The following MEF2A variants were observed in gnomAD, a reference collection of about 807,000 sequenced individuals.
The protein encoded by MEF2A is myocyte enhancer factor 2A.
In MEF2A, 28 loss-of-function variants were observed where a neutral mutation model predicts 55.8. The ratio of observed to expected loss-of-function variants is 0.50; its 90% CI spans 0.37 to 0.69. The LOEUF (loss-of-function observed/expected upper bound fraction) is 0.69. MEF2A is among the 30% of genes least tolerant of loss of function. MEF2A has a pLI of 0.00. For synonymous variants in MEF2A, 239 were observed against 227.1 expected (o/e 1.05, Z -0.47); for missense variants, 528 against 626.2 (o/e 0.84, Z 1.67).
chr15:99,617,409 G>T (rs200862514), intron 2 of MEF2A, among the ~76,000 whole-genome samples: 9 of 151,978 alleles, frequency 5.9e-5, no homozygotes, highest in African/African-American at 2.2e-4. Flanking sequence ...TTTATGGCTA[G>T]AATAGAAAAT....
chr15:99,600,275 A>G (rs1366164824), intron 2 of MEF2A, among the ~76,000 whole-genome samples: 1 of 152,140 alleles, frequency 6.6e-6, no homozygotes, highest in Non-Finnish European at 1.5e-5. Flanking sequence ...GTCTCTAAGG[A>G]TGTAGACAGT....
intron 4 of MEF2A, among the ~76,000 whole-genome samples, chr15:99,654,001 A>G (rs2047274212): frequency 6.6e-6 from 1 of 152,146 alleles, no homozygotes; most frequent in African/African-American, 2.4e-5. Context: ...AATTCAAGAC[A>G]TTAGCTTGCT....
At chr15:99,593,804 C>T (rs1970181078) in intron 1 of MEF2A, among the ~76,000 whole-genome samples, 1 of 152,188 alleles carries the variant, frequency 6.6e-6, no homozygotes, top group African/African-American at 2.4e-5. Flanking sequence ...TGGTATAAAA[C>T]ATGATATTCA....
intron 1 of MEF2A, among the ~76,000 whole-genome samples, chr15:99,597,719 G>A (rs904819899): frequency 1.3e-5 from 2 of 152,140 alleles, no homozygotes; most frequent in African/African-American, 2.4e-5. Flanking sequence ...TGGACGCCCA[G>A]CTTTAAAATT....
chr15:99,608,579 A>C lies in MEF2A; in HGVS notation c.-143+10068A>C, dbSNP rs150993231. Among the ~76,000 whole-genome samples, 26 of 152,290 alleles carry C rather than the reference A, an allele frequency of 1.7e-4. No individual in the cohort carries two copies. In the East Asian group the frequency reaches 4.8e-3, roughly 28 times the overall value. On this transcript the variant is annotated intron_variant, in intron 2 of 11. Transcript: ENST00000557942. ...TTGGTGTATTGACTATTTTACCTAA[A>C]ACATAAGAAGTAAACACATGATAAA...
At chr15:99,591,780 C>CAA in intron 1 of MEF2A, among the ~76,000 whole-genome samples, 1 of 151,982 alleles carries the variant, frequency 6.6e-6, no homozygotes, top group Non-Finnish European at 1.5e-5. Flanking sequence ...TAATTCCATC[C>CAA]AGTTACTTTT....
intron 2 of MEF2A, among the ~76,000 whole-genome samples, chr15:99,605,240 G>A (rs1051283031): frequency 4.6e-5 from 7 of 152,126 alleles, no homozygotes; most frequent in African/African-American, 9.7e-5. Context: ...GAGCTGCTGC[G>A]TCCTGCCTCT....
At chr15:99,567,075 A>G (rs1959972140) in intron 1 of MEF2A, among the ~76,000 whole-genome samples, 2 of 152,262 alleles carry the variant, frequency 1.3e-5, no homozygotes, top group African/African-American at 2.4e-5. Flanking sequence ...TAAAAGTGTA[A>G]CTATAGAATT....
In MEF2A at chr15:99,634,491, A is replaced by T. The variant is rs796629664; in HGVS notation, c.54+1318A>T. Among the ~76,000 whole-genome samples the T allele has an allele frequency of 4.6e-5, 7 of 152,310 alleles. No individual in the cohort carries two copies. In the South Asian group the frequency reaches 6.2e-4, roughly 14 times the overall value. ...GGAGGCATAGGGACCTGCTTCATGG[A>T]TATATGCAGTATAAATATAAAATAG... On this transcript the variant is annotated intron_variant, in intron 3 of 11. Transcript: ENST00000557942.
rs1012926606 is a variant in MEF2A, at chr15:99,645,870, T to A, written c.258+106T>A. 7 of 759,998 alleles carry A rather than the reference T, an allele frequency of 9.2e-6. No individual in the cohort carries two copies. The South Asian group carries it at 1.6e-4, about 17-fold the overall frequency. The allele number at this position is 759,998 out of a possible 1,614,324, so 47.1% of individuals were successfully genotyped here. A position where few individuals can be genotyped will look rare whatever the true frequency, so the allele number is the denominator to read the frequency against. The stretch of plus-strand genomic sequence containing the variant: ...GTACATCTAAAACATAAATTAGGTG[T>A]ATATGTATCTTTTCTCTAAATCATT... On this transcript the variant is annotated intron_variant, in intron 4 of 11. Coordinates refer to ENST00000557942, the MANE Select transcript of MEF2A (RefSeq NM_001319206.4).
chr15:99,711,604 G>A (rs1226426201), intron 11 of MEF2A, among the ~76,000 whole-genome samples: 1 of 152,198 alleles, frequency 6.6e-6, no homozygotes, highest in Non-Finnish European at 1.5e-5. Context: ...GCTCTGGGCA[G>A]TAGGAATACC....
At chr15:99,666,863 G>A (rs1197124978) in intron 4 of MEF2A, among the ~76,000 whole-genome samples, 1 of 152,088 alleles carries the variant, frequency 6.6e-6, no homozygotes, top group Non-Finnish European at 1.5e-5. Flanking sequence ...CAGAAAGGAA[G>A]GTTGTGGGAT....
At chr15:99,588,113 G>A (rs1967981196) in intron 1 of MEF2A, among the ~76,000 whole-genome samples, 1 of 151,680 alleles carries the variant, frequency 6.6e-6, no homozygotes. Flanking sequence ...AGTTTGCTGA[G>A]GTGTTTTGTT....
intron 7 of MEF2A, among the ~76,000 whole-genome samples, chr15:99,687,895 A>AT (rs1335066661): frequency 1.3e-5 from 2 of 152,118 alleles, no homozygotes; most frequent in Non-Finnish European, 2.9e-5. Flanking sequence ...AGATATTTGA[A>AT]TTTTTTTAAT....
Position 99,712,486 on chromosome 15 carries a change from T to C in MEF2A, c.1233T>C (p.Arg411=). 6.4e-7 allele frequency: 1 copy of C among 1,551,338 alleles called. No individual in the cohort carries two copies. The highest frequency in any genetic ancestry group is 8.7e-7 in the Non-Finnish European group (1 of 1,146,936). Residue 411 remains arginine, a synonymous_variant, in exon 12 of 12, where the codon CGT becomes CGC. Transcript: ENST00000557942. The surrounding 1 kb of genome is among the most constrained non-coding windows in gnomAD (Gnocchi z 4.1). ...AACCGATTTCACCTCCTCGGGATCGTATGACCCCATCGGGCTTCCAGCAGC... is the reference window on the plus strand; with the variant it reads ...AACCGATTTCACCTCCTCGGGATCGCATGACCCCATCGGGCTTCCAGCAGC... ...KSEPISPPRD[R]MTPSGFQQQQ...
At chr15:99,686,880 T>C (rs2054334064) in intron 7 of MEF2A, among the ~76,000 whole-genome samples, 1 of 151,942 alleles carries the variant, frequency 6.6e-6, no homozygotes, top group Non-Finnish European at 1.5e-5. Context: ...TTTAGCGTAA[T>C]CTCAAATTTT....
chr15:99,573,244 G>A (rs1479189317), intron 1 of MEF2A, among the ~76,000 whole-genome samples: 1 of 144,574 alleles, frequency 6.9e-6, no homozygotes, highest in Non-Finnish European at 1.5e-5. Flanking sequence ...AGCCAAGATC[G>A]CGCCACTGCA....
chr15:99,581,218 A>G (rs113752893), intron 1 of MEF2A, among the ~76,000 whole-genome samples: 1 of 152,098 alleles, frequency 6.6e-6, no homozygotes, highest in Non-Finnish European at 1.5e-5. Context: ...GTCATTATAC[A>G]TTTCTTTTTG....
At position 99,596,302 on chromosome 15, in the gene MEF2A, A is replaced by T. The variant is rs538423412; in HGVS notation, c.-224-2128A>T. On this transcript the variant is annotated intron_variant, in intron 1 of 11. Coordinates refer to ENST00000557942, the MANE Select transcript of MEF2A (RefSeq NM_001319206.4). ...AATGATTGTATTTTAGAAGTTGGTA[A>T]TGCAACTAAATTTGAGGAATTTTTT... Among the ~76,000 whole-genome samples, 5 of 152,232 alleles carry T rather than the reference A, an allele frequency of 3.3e-5. No individual in the cohort carries two copies. The East Asian group carries it at 7.7e-4, about 23-fold the overall frequency.
Sources: gnomAD v4.1 joint callset for allele counts (sites outside exome capture counted in the v4.1 genomes callset) on GRCh38, gnomAD v4.1.1 for gene constraint, Gnocchi (gnomAD v3.1) non-coding constraint, MANE v1.5 for transcripts, NCBI Gene and HGNC (gene_info 2026-07-23, HGNC 2026-07-21) for gene names.